ARHGEF38: variants seen among roughly 807,000 people sequenced by gnomAD.
ARHGEF38 encodes the protein Rho guanine nucleotide exchange factor (GEF) 38.
A neutral mutation model predicts 79.9 loss-of-function variants in ARHGEF38; 79 were observed. The observed-to-expected ratio is 0.99, with a 90% CI of 0.82 to 1.19. The LOEUF is 1.19. Among genes scored for constraint, ARHGEF38 ranks in the 50% most tolerant of loss-of-function variants. ARHGEF38 has a pLI of 0.00. For missense variants in ARHGEF38, 962 were observed against 907.2 expected (o/e 1.06, Z -0.78); for synonymous variants, 366 against 328.3 (o/e 1.11, Z -1.24).
chr4:105,679,596 G>A lies in ARHGEF38; in HGVS notation c.*1659G>A. Reference sequence around the variant, plus strand: ...CTCTTCTATCAGTATCTGAGCTGATGGTTGGAAAAAAATCAACAGCAGCAT... The same window carrying A: ...CTCTTCTATCAGTATCTGAGCTGATAGTTGGAAAAAAATCAACAGCAGCAT... On this transcript the variant is annotated 3_prime_UTR_variant, in exon 14 of 14. Transcript: ENST00000420470. 2 of 910,938 alleles carry A rather than the reference G, an allele frequency of 2.2e-6. No individual in the cohort carries two copies. Among genetic ancestry groups the A allele is most frequent in the East Asian group, 2.4e-5 (1 of 41,688 alleles). 56.4% of individuals were successfully genotyped at this position (910,938 alleles called of 1,614,324 possible).
At chr4:105,626,533 A>C (rs905190370) in intron 3 of ARHGEF38, among the ~76,000 whole-genome samples, 3 of 152,246 alleles carry the variant, frequency 2.0e-5, no homozygotes, top group African/African-American at 7.2e-5. Context: ...TGGTAAAACC[A>C]GAATTTGAAC....
At chr4:105,563,426 A>G (rs1725733464) in intron 1 of ARHGEF38, 1 of 152,246 alleles carries the variant, frequency 6.6e-6, no homozygotes, top group South Asian at 2.1e-4. Context: ...ACAAACACCA[A>G]CTGAACATCT....
At chr4:105,599,473 G>A (rs1727730251) in intron 2 of ARHGEF38, among the ~76,000 whole-genome samples, 1 of 152,154 alleles carries the variant, frequency 6.6e-6, no homozygotes, top group Admixed American at 6.6e-5. Context: ...CTCAGCCTGG[G>A]CAAGATGATC....
Position 105,613,422 on chromosome 4 carries a change from T to C in ARHGEF38, c.423T>C (p.Ile141=). Residue 141 remains isoleucine, a synonymous_variant, in exon 3 of 14, where the codon ATT becomes ATC. Coordinates refer to ENST00000420470, the MANE Select transcript of ARHGEF38 (RefSeq NM_001242729.2). ...ATGTGGATAGCTTGTTTAGCAACATTGAGTCCGTGCATCAGATATCAGCCA... is the reference window on the plus strand; with the variant it reads ...ATGTGGATAGCTTGTTTAGCAACATCGAGTCCGTGCATCAGATATCAGCCA... ...RLDVDSLFSN[I]ESVHQISAKL... The C allele has an allele frequency of 1.2e-6, 2 of 1,613,376 alleles. No homozygotes were observed. The highest frequency in any genetic ancestry group is 1.7e-6 in the Non-Finnish European group (2 of 1,179,494).
rs1731178665 is a variant in ARHGEF38 at position 105,677,912 on chromosome 4, A to G, written c.2309A>G (p.Tyr770Cys). 2 of 1,524,856 alleles carry G rather than the reference A, an allele frequency of 1.3e-6. No individual in the cohort carries two copies. The highest frequency in any genetic ancestry group is 1.8e-6 in the Non-Finnish European group (2 of 1,140,186). 94.5% of individuals were successfully genotyped at this position (1,524,856 alleles called of 1,614,324 possible). A position where few individuals can be genotyped will look rare whatever the true frequency, so the allele number is the denominator to read the frequency against. ...QGQKGYVPAN[Y>C]LGKMTYA is the part of the protein sequence containing the mutation. ...CAGAAAGGATACGTGCCAGCTAACTACCTTGGAAAGATGACTTATGCTTAA... is the reference window on the plus strand; with the variant it reads ...CAGAAAGGATACGTGCCAGCTAACTGCCTTGGAAAGATGACTTATGCTTAA... Residue 770 changes from tyrosine to cysteine, a missense_variant, in exon 14 of 14, where the codon TAC becomes TGC. By Grantham distance (194) the Tyr-to-Cys change is radical. Transcript: ENST00000420470.
At chr4:105,646,480 GA>G (rs1729845147) in intron 6 of ARHGEF38, among the ~76,000 whole-genome samples, 1 of 152,162 alleles carries the variant, frequency 6.6e-6, no homozygotes, top group Admixed American at 6.5e-5. Flanking sequence ...AGACTGGAGG[GA>G]AAAAGTAATG....
Position 105,659,044 on chromosome 4 carries a change from C to A in ARHGEF38, c.1234-10C>A, listed in dbSNP as rs114755882. The A allele has an allele frequency of 1.7e-3, 2,561 of 1,519,508 alleles. 33 individuals carry two copies. In the African/African-American group the frequency reaches 0.028, roughly 17 times the overall value. The allele number at this position is 1,519,508 out of a possible 1,614,324, so 94.1% of individuals were successfully genotyped here. On this transcript the variant is annotated splice_polypyrimidine_tract_variant and intron_variant, in intron 9 of 13. Transcript: ENST00000420470. Reference sequence around the variant, plus strand: ...TCTCTCTGAAATGGGCTCATTTTTTCTTTTGGCAGGCATCTCACTTACAGA... The same window carrying A: ...TCTCTCTGAAATGGGCTCATTTTTTATTTTGGCAGGCATCTCACTTACAGA...
At chr4:105,631,477 CTG>C (rs1467033370) in intron 4 of ARHGEF38, 2 of 985,666 alleles carry the variant, frequency 2.0e-6, no homozygotes, top group Non-Finnish European at 2.4e-6. Context: ...CCCAAACTCA[CTG>C]TGGGGAGATG....
At position 105,659,357 on chromosome 4, in the gene ARHGEF38, C is replaced by T. The variant is rs752854230; in HGVS notation, c.1537C>T (p.Leu513Phe). The T allele has an allele frequency of 2.5e-5, 38 of 1,533,954 alleles. No homozygotes were observed. The highest frequency in any genetic ancestry group is 3.0e-5 in the Non-Finnish European group (34 of 1,146,296). Residue 513 changes from leucine to phenylalanine, a missense_variant, in exon 10 of 14, where the codon CTT becomes TTT. Transcript: ENST00000420470. ...CGTGGCACAGCAGGCTTACTCCACA[C>T]TTGTGCCGGTAAGCACAGCACCAAC... Reference protein sequence around the residue: ...MLVAQQAYSTLVPMPLLVSSI... With the variant: ...MLVAQQAYSTFVPMPLLVSSI...
chr4:105,681,175 G>A (rs1731298077), downstream of ARHGEF38, among the ~76,000 whole-genome samples: 1 of 151,878 alleles, frequency 6.6e-6, no homozygotes, highest in African/African-American at 2.4e-5. Context: ...GACATTTACT[G>A]CCTATTGAGA....
At chr4:105,565,060 C>T (rs6533213) in intron 1 of ARHGEF38, among the ~76,000 whole-genome samples, 2 of 152,062 alleles carry the variant, frequency 1.3e-5, no homozygotes, top group Non-Finnish European at 2.9e-5. Context: ...TAAATTCAAA[C>T]CAATACCACT....
At chr4:105,655,800 T>C (rs1730297882) in intron 9 of ARHGEF38, 78 bp downstream of exon 9, 2 of 1,433,986 alleles carry the variant, frequency 1.4e-6, no homozygotes, top group Non-Finnish European at 1.8e-6. Flanking sequence ...TTTGTTTTTC[T>C]GGAGTCAGAA....
At chr4:105,583,827 C>T (rs375781793) in intron 1 of ARHGEF38, among the ~76,000 whole-genome samples, 1 of 152,146 alleles carries the variant, frequency 6.6e-6, no homozygotes, top group East Asian at 1.9e-4. Flanking sequence ...CATATGAGAG[C>T]CAGTTAGTGT....
Position 105,552,980 on chromosome 4 carries a change from A to C in ARHGEF38, c.196+19A>C. The C allele has an allele frequency of 6.3e-7, 1 of 1,591,698 alleles. No individual in the cohort carries two copies. Among genetic ancestry groups the C allele is most frequent in the Middle Eastern group, 1.8e-4 (1 of 5,428 alleles). On this transcript the variant is annotated intron_variant, in intron 1 of 13. Transcript: ENST00000420470. The stretch of plus-strand genomic sequence containing the variant: ...TTACAAGGTAACCAAAAAGAAATCA[A>C]TTGTCCCAGTTACTGCACTCCCAGC...
intron 2 of ARHGEF38, among the ~76,000 whole-genome samples, chr4:105,593,162 T>C (rs775928046): frequency 2.0e-4 from 31 of 152,202 alleles, no homozygotes; most frequent in Non-Finnish European, 2.6e-4. Context: ...TAAGAACATT[T>C]GTGACTAAAA....
intron 6 of ARHGEF38, among the ~76,000 whole-genome samples, chr4:105,646,913 A>C (rs1295870990): frequency 6.6e-6 from 1 of 152,186 alleles, no homozygotes; most frequent in Non-Finnish European, 1.5e-5. Context: ...AAAACATTCA[A>C]AATGTATTTT....
chr4:105,611,095 A>G (rs1244086842), intron 2 of ARHGEF38, among the ~76,000 whole-genome samples: 1 of 152,124 alleles, frequency 6.6e-6, no homozygotes, highest in African/African-American at 2.4e-5. Context: ...TGTATCTTCA[A>G]GATGGTTCAT....
intron 1 of ARHGEF38, among the ~76,000 whole-genome samples, chr4:105,558,828 G>A (rs1277805150): frequency 7.1e-6 from 1 of 140,092 alleles, no homozygotes; most frequent in Non-Finnish European, 1.5e-5. Flanking sequence ...TTTTTTTTTT[G>A]TTTATAAAAA....
intron 1 of ARHGEF38, among the ~76,000 whole-genome samples, chr4:105,573,263 C>T (rs1726325246): frequency 6.6e-6 from 1 of 152,000 alleles, no homozygotes; most frequent in African/African-American, 2.4e-5. Flanking sequence ...TCTGTTTCTT[C>T]AGAAAAGAAG....
Sources: gnomAD v4.1 joint callset for allele counts (sites outside exome capture counted in the v4.1 genomes callset) on GRCh38, gnomAD v4.1.1 for gene constraint, MANE v1.5 for transcripts, NCBI Gene and HGNC (gene_info 2026-07-23, HGNC 2026-07-21) for gene names.